Variants in RAP1GAP2 observed in about 807,000 individuals in gnomAD.
RAP1GAP2 encodes the protein RAP1 GTPase activating protein 2.
RAP1GAP2 carries 27 observed loss-of-function variants against 95.0 expected under a neutral mutation model. The observed-to-expected ratio is 0.28, with a 90% CI of 0.21 to 0.39. The LOEUF (loss-of-function observed/expected upper bound fraction) is 0.39. Ranked by LOEUF, RAP1GAP2 falls within the 10% of genes least tolerant of loss-of-function variation. The pLI, the probability that RAP1GAP2 is intolerant of heterozygous loss-of-function variation, is 1.00. For missense variants in RAP1GAP2, 771 were observed against 970.0 expected (o/e 0.79, Z 2.72); for synonymous variants, 373 against 380.9 (o/e 0.98, Z 0.24).
chr17:2,987,790 T>C (rs908964119), intron 11 of RAP1GAP2, among the ~76,000 whole-genome samples: 1 of 152,206 alleles, frequency 6.6e-6, no homozygotes, highest in African/African-American at 2.4e-5. Flanking sequence ...TCTACCAGAT[T>C]CTGTTGCCTG....
At chr17:2,911,970 C>T (rs4390626) in intron 3 of RAP1GAP2, among the ~76,000 whole-genome samples, 137,883 of 152,204 alleles carry the variant, frequency 0.91, 63,098 homozygotes, top group Non-Finnish European at 0.98. Flanking sequence ...TTCCACACCC[C>T]TCTTTGTGCA....
chr17:3,031,690 C>T (rs12938309), intron 23 of RAP1GAP2, among the ~76,000 whole-genome samples: 7,155 of 133,164 alleles, frequency 0.054, 324 homozygotes, highest in Non-Finnish European at 0.078. Flanking sequence ...GCCAGACTAT[C>T]GAGAACTCCA....
chr17:2,854,918 G>A (rs1451960370), intron 2 of RAP1GAP2, among the ~76,000 whole-genome samples: 1 of 152,222 alleles, frequency 6.6e-6, no homozygotes, highest in Non-Finnish European at 1.5e-5. Context: ...CCACAGAGAT[G>A]TTGCCGGGAT....
intron 2 of RAP1GAP2, among the ~76,000 whole-genome samples, chr17:2,889,889 A>ATATATATATTTTTTTTTT (rs1408426152): frequency 1.7e-5 from 1 of 57,320 alleles, no homozygotes. Flanking sequence ...ATATATATAT[A>ATATATATATTTTTTTTTT]TTTTTTTTTT....
At position 3,004,457 on chromosome 17, in the gene RAP1GAP2, G is replaced by A. The variant is rs540649803; in HGVS notation, c.1201-912G>A. On this transcript the variant is annotated intron_variant, in intron 14 of 24. Coordinates refer to ENST00000254695, the MANE Select transcript of RAP1GAP2 (RefSeq NM_015085.5). This position sits in a 1 kb window ranked among gnomAD's most constrained non-coding sequence, Gnocchi z 4.1. ...GGCAGCACGCCAGGGCTGGGCTCAC[G>A]TCAGCGGCTGTGTAGGGAAGGGAGG... Among the ~76,000 whole-genome samples the A allele has an allele frequency of 3.9e-5, 6 of 152,362 alleles. No individual in the cohort carries two copies. The South Asian group carries it at 6.2e-4, about 16-fold the overall frequency.
chr17:2,974,079 T>C (rs1344302432), intron 8 of RAP1GAP2, among the ~76,000 whole-genome samples: 3 of 151,782 alleles, frequency 2.0e-5, no homozygotes, highest in South Asian at 4.2e-4. Flanking sequence ...TGGTGTCTCA[T>C]GCCTGTAATC....
At position 3,029,830 on chromosome 17, in the gene RAP1GAP2, C is replaced by T. The variant is rs1227947903; in HGVS notation, c.2108-1092C>T. 6.6e-6 allele frequency among the ~76,000 whole-genome samples: 1 copy of T among 151,836 alleles called. No individual in the cohort carries two copies. The highest frequency in any genetic ancestry group is 2.4e-5 in the African/African-American group (1 of 41,312). ...ACACACTTAACGGAATTTTATTATA[C>T]GATGGATGTCAAACCCAGTGTACAA... On this transcript the variant is annotated intron_variant, in intron 22 of 24. Coordinates refer to ENST00000254695, the MANE Select transcript of RAP1GAP2 (RefSeq NM_015085.5). This position sits in a 1 kb window ranked among gnomAD's most constrained non-coding sequence, Gnocchi z 4.4.
At chr17:2,853,856 G>T in intron 2 of RAP1GAP2, 7 of 922,344 alleles carry the variant, frequency 7.6e-6, no homozygotes, top group Non-Finnish European at 9.0e-6. Context: ...GACCCCCGGG[G>T]CGCACCTAGG....
At chr17:2,927,363 C>G (rs796456654) in intron 3 of RAP1GAP2, among the ~76,000 whole-genome samples, 7 of 152,086 alleles carry the variant, frequency 4.6e-5, no homozygotes, top group East Asian at 1.9e-4. Flanking sequence ...CCGTGTTAGC[C>G]AGGATGGTCT....
chr17:2,986,540 A>T (rs1037852553), intron 11 of RAP1GAP2, among the ~76,000 whole-genome samples: 5 of 145,936 alleles, frequency 3.4e-5, no homozygotes, highest in African/African-American at 7.5e-5. Context: ...CAAGAAGATA[A>T]TTTTTTTTTT....
chr17:3,037,149 C>A lies in RAP1GAP2; in HGVS notation c.*3788C>A, dbSNP rs935028952. 3 of 152,620 alleles carry A rather than the reference C, an allele frequency of 2.0e-5. No homozygotes were observed. The highest frequency in any genetic ancestry group is 2.1e-4 in the South Asian group (1 of 4,828). The allele number at this position is 152,620 out of a possible 1,614,324, so 9.5% of individuals were successfully genotyped here. On this transcript the variant is annotated 3_prime_UTR_variant, in exon 25 of 25. Transcript: ENST00000254695. Reference sequence around the variant, plus strand: ...CCTTGTACACCCCAATCCCATGTCTCCCTCCCTTCAGCTGGACCGTGTGCC... The same window carrying A: ...CCTTGTACACCCCAATCCCATGTCTACCTCCCTTCAGCTGGACCGTGTGCC...
At chr17:2,872,591 C>T (rs552376947) in intron 2 of RAP1GAP2, among the ~76,000 whole-genome samples, 2 of 152,036 alleles carry the variant, frequency 1.3e-5, no homozygotes, top group South Asian at 2.1e-4. Context: ...CGCAGTCATG[C>T]GCGAGGGCCT....
chr17:2,815,643 A>C lies in RAP1GAP2; in HGVS notation c.80+15093A>C, dbSNP rs547046664. On this transcript the variant is annotated intron_variant, in intron 2 of 24. Transcript: ENST00000254695. ...ATTACAGGCGCGCACCACCACGCCC[A>C]GCTAATTTTTGTATTTTTAGTAGAG... is the stretch of plus-strand genomic sequence containing the variant. Among the ~76,000 whole-genome samples the C allele has an allele frequency of 7.2e-5, 11 of 151,812 alleles. No homozygotes were observed. The East Asian group carries it at 2.1e-3, about 30-fold the overall frequency.
rs745859287 is a variant in RAP1GAP2 at position 2,963,912 on chromosome 17, T to C, written c.336T>C (p.Tyr112=). ...PQVILPQFGG[Y]WIEDPENVGT... ...TCATCCTGCCACAGTTTGGGGGCTATTGGATCGAGGACCCGGAGAACGTGG... is the reference window on the plus strand; with the variant it reads ...TCATCCTGCCACAGTTTGGGGGCTACTGGATCGAGGACCCGGAGAACGTGG... The change falls in exon 7 of 25, where the codon TAT becomes TAC. Residue 112 remains tyrosine (Y), a synonymous_variant. Coordinates refer to ENST00000254695, the MANE Select transcript of RAP1GAP2 (RefSeq NM_015085.5). The surrounding 1 kb of genome is among the most constrained non-coding windows in gnomAD (Gnocchi z 4.8). The C allele has an allele frequency of 4.3e-6, 7 of 1,613,296 alleles. No individual in the cohort carries two copies. The Admixed American group carries it at 5.0e-5, about 12-fold the overall frequency.
intron 3 of RAP1GAP2, among the ~76,000 whole-genome samples, chr17:2,907,098 T>TTC (rs1555565811): frequency 3.3e-5 from 5 of 151,808 alleles, no homozygotes; most frequent in African/African-American, 4.8e-5. Flanking sequence ...AGTATTTTTT[T>TTC]CCCCCAGTAG....
At chr17:2,845,597 TCACGCCTGTAATCCCAGCACTTTGA>T (rs1412868918) in intron 2 of RAP1GAP2, among the ~76,000 whole-genome samples, 1 of 152,122 alleles carries the variant, frequency 6.6e-6, no homozygotes, top group Non-Finnish European at 1.5e-5. Flanking sequence ...GTGTGGTGGC[TCACGCCTGTAATCCCAGCACTTTGA>T]GAGGCTGAGG....
intron 2 of RAP1GAP2, among the ~76,000 whole-genome samples, chr17:2,826,650 G>A (rs990707075): frequency 6.6e-6 from 1 of 151,982 alleles, no homozygotes; most frequent in Admixed American, 6.6e-5. Context: ...GGAGGGGAGG[G>A]CCAGGCTAGG....
chr17:2,848,444 C>T (rs2071679304), intron 2 of RAP1GAP2, among the ~76,000 whole-genome samples: 1 of 151,280 alleles, frequency 6.6e-6, no homozygotes, highest in Non-Finnish European at 1.5e-5. Flanking sequence ...ATTTTAGAAG[C>T]TGGGAGGAGA....
At chr17:2,993,701 TGA>T (rs2045857136) in intron 12 of RAP1GAP2, among the ~76,000 whole-genome samples, 1 of 152,138 alleles carries the variant, frequency 6.6e-6, no homozygotes, top group Non-Finnish European at 1.5e-5. Flanking sequence ...CCATTGACTT[TGA>T]GATGCTATCA....
Sources: allele counts gnomAD v4.1 joint callset (sites outside exome capture counted in the v4.1 genomes callset), GRCh38; gene constraint gnomAD v4.1.1; non-coding constraint Gnocchi (gnomAD v3.1); transcripts MANE v1.5; gene names NCBI Gene and HGNC (gene_info 2026-07-23, HGNC 2026-07-21).